PALD1: variants seen among roughly 807,000 people sequenced by gnomAD.
The protein encoded by PALD1 is phosphatase domain containing paladin 1.
A neutral mutation model predicts 96.0 loss-of-function variants in PALD1; 57 were observed. The ratio of observed to expected loss-of-function variants is 0.59; its 90% CI spans 0.48 to 0.74. The LOEUF (loss-of-function observed/expected upper bound fraction) is 0.74, where lower values mean the gene tolerates loss of function less well. PALD1 is among the 30% of genes least tolerant of loss of function. The pLI, the probability that PALD1 is intolerant of heterozygous loss-of-function variation, is 0.00. For synonymous variants in PALD1, 464 were observed against 473.6 expected (o/e 0.98, Z 0.26); for missense variants, 1,063 against 1,143.7 (o/e 0.93, Z 1.02).
chr10:70,565,314 G>A (rs1847821906), intron 19 of PALD1, among the ~76,000 whole-genome samples: 1 of 152,170 alleles, frequency 6.6e-6, no homozygotes, highest in Non-Finnish European at 1.5e-5. Context: ...GGCTCTTCTT[G>A]CACTCAGTTG....
intron 1 of PALD1, among the ~76,000 whole-genome samples, chr10:70,503,566 G>A (rs1228132376): frequency 2.0e-5 from 3 of 152,100 alleles, no homozygotes; most frequent in East Asian, 1.9e-4. Context: ...CCTGGGAGGC[G>A]GAGGCTGTGG....
intron 1 of PALD1, among the ~76,000 whole-genome samples, chr10:70,523,204 T>C (rs1846773330): frequency 1.3e-5 from 2 of 152,168 alleles, no homozygotes; most frequent in South Asian, 2.1e-4. Flanking sequence ...CTGGAGCCCA[T>C]GAGAGGTGAG....
chr10:70,526,212 C>T (rs904755114), intron 2 of PALD1, 76 bp downstream of exon 2: 1 of 1,209,440 alleles, frequency 8.3e-7, no homozygotes, highest in Non-Finnish European at 1.2e-6. Flanking sequence ...GGTGCAGTGG[C>T]ATACAGCACT....
intron 18 of PALD1, among the ~76,000 whole-genome samples, chr10:70,552,353 G>T (rs923146717): frequency 6.6e-6 from 1 of 152,132 alleles, no homozygotes. Flanking sequence ...CTGGGATGGG[G>T]GGTGATGTGG....
chr10:70,558,500 C>CA (rs1353369687), intron 18 of PALD1, among the ~76,000 whole-genome samples: 2 of 152,146 alleles, frequency 1.3e-5, no homozygotes, highest in Non-Finnish European at 2.9e-5. Flanking sequence ...ATACAAAGGG[C>CA]AAAAGCTCCC....
chr10:70,484,545 TG>T (rs1395088378), intron 1 of PALD1, among the ~76,000 whole-genome samples: 1 of 151,580 alleles, frequency 6.6e-6, no homozygotes, highest in East Asian at 1.9e-4. Flanking sequence ...TTTTATTGTT[TG>T]TTTTTTTTTT....
At chr10:70,468,362 G>T in the PALD1 span, among the ~76,000 whole-genome samples, 1 of 152,114 alleles carries the variant, frequency 6.6e-6, no homozygotes, top group African/African-American at 2.4e-5. Flanking sequence ...TCCTGCCTCA[G>T]CTTCCCGGGT....
chr10:70,487,565 T>G (rs1025972356), intron 1 of PALD1, among the ~76,000 whole-genome samples: 1 of 152,124 alleles, frequency 6.6e-6, no homozygotes, highest in East Asian at 1.9e-4. Flanking sequence ...TTAGAGGCAT[T>G]TAGTATAGTC....
the PALD1 span, among the ~76,000 whole-genome samples, chr10:70,462,686 C>T: frequency 6.6e-6 from 1 of 152,244 alleles, no homozygotes; most frequent in African/African-American, 2.4e-5. Flanking sequence ...TGGCAGATGC[C>T]TTGTGCCCCC....
chr10:70,487,130 A>ATTTTTTTTTT (rs10669002), intron 1 of PALD1, among the ~76,000 whole-genome samples: 2 of 110,424 alleles, frequency 1.8e-5, no homozygotes, highest in Non-Finnish European at 1.8e-5. Flanking sequence ...TCTGAGCCCA[A>ATTTTTTTTTT]TTTTTTTTTT....
At chr10:70,472,344 T>C in the PALD1 span, among the ~76,000 whole-genome samples, 1 of 152,180 alleles carries the variant, frequency 6.6e-6, no homozygotes, top group Admixed American at 6.5e-5. Context: ...CACTGCAACC[T>C]CTACCTCCCG....
intron 17 of PALD1, among the ~76,000 whole-genome samples, chr10:70,546,437 T>G (rs4747048): frequency 6.6e-6 from 1 of 151,992 alleles, no homozygotes; most frequent in Non-Finnish European, 1.5e-5. Flanking sequence ...TTATTTCTAA[T>G]GTAAACCACT....
chr10:70,478,446 G>C (rs1023942652), upstream of PALD1, among the ~76,000 whole-genome samples: 1 of 152,212 alleles, frequency 6.6e-6, no homozygotes. Flanking sequence ...CGCCCAGAGC[G>C]CTGCTGCCTC....
At chr10:70,532,531 T>C in intron 5 of PALD1, 90 bp from the exon 6 acceptor site, 3 of 1,346,274 alleles carry the variant, frequency 2.2e-6, no homozygotes, top group Non-Finnish European at 3.1e-6. Flanking sequence ...GGCCTCTGCA[T>C]GGTCTGGTCA....
the PALD1 span, among the ~76,000 whole-genome samples, chr10:70,463,448 C>T: frequency 5.6e-4 from 85 of 152,100 alleles, no homozygotes; most frequent in African/African-American, 2.0e-3. Context: ...TTACTCTCCT[C>T]TCACCACCTA....
At chr10:70,530,110 C>G (rs777622492) in intron 4 of PALD1, 42 bp downstream of exon 4, 1 of 1,464,660 alleles carries the variant, frequency 6.8e-7, no homozygotes, top group East Asian at 2.6e-5. Flanking sequence ...GTCCCCAAAG[C>G]CAGGGAGAGG....
chr10:70,512,497 G>A (rs748991746), intron 1 of PALD1, among the ~76,000 whole-genome samples: 6 of 152,248 alleles, frequency 3.9e-5, no homozygotes, highest in Non-Finnish European at 8.8e-5. Context: ...AGACAGCTCA[G>A]TGGCAGTGGT....
chr10:70,464,945 G>A, the PALD1 span, among the ~76,000 whole-genome samples: 52 of 136,862 alleles, frequency 3.8e-4, no homozygotes, highest in Non-Finnish European at 6.4e-4. Flanking sequence ...ACACTTGTAT[G>A]TATGTATGTA....
chr10:70,505,393 C>T (rs1049659113), intron 1 of PALD1, among the ~76,000 whole-genome samples: 5 of 151,642 alleles, frequency 3.3e-5, no homozygotes, highest in African/African-American at 7.3e-5. Flanking sequence ...GTCGGGGGTT[C>T]GAGACTAGCC....
Sources: gnomAD v4.1 joint callset for allele counts (sites outside exome capture counted in the v4.1 genomes callset) on GRCh38, gnomAD v4.1.1 for gene constraint, MANE v1.5 for transcripts, NCBI Gene and HGNC (gene_info 2026-07-23, HGNC 2026-07-21) for gene names.